BCAS3: variants seen among roughly 807,000 people sequenced by gnomAD.
BCAS3 encodes the protein BCAS4/BCAS3 fusion.
Under a neutral mutation model 116.1 loss-of-function variants are expected in BCAS3, and 53 were observed. That is an observed-to-expected ratio of 0.46 (90% CI 0.37 to 0.57). The LOEUF is 0.57. BCAS3 is among the 20% of genes least tolerant of loss of function. BCAS3 has a pLI of 0.00. For missense variants in BCAS3, 917 were observed against 1,165.4 expected, an observed-to-expected ratio of 0.79 and a Z score of 3.10; for synonymous variants, 391 against 408.2, an observed-to-expected ratio of 0.96 and a Z score of 0.51.
intron 14 of BCAS3, among the ~76,000 whole-genome samples, chr17:60,984,473 C>T (rs577274625): frequency 2.0e-5 from 3 of 151,886 alleles, no homozygotes; most frequent in South Asian, 2.1e-4. Context: ...TGTATATATA[C>T]AGCTTTTTTT....
intron 7 of BCAS3, among the ~76,000 whole-genome samples, chr17:60,858,842 A>G (rs1284556056): frequency 6.6e-6 from 1 of 151,664 alleles, no homozygotes; most frequent in Non-Finnish European, 1.5e-5. Flanking sequence ...ATAATTAAAT[A>G]TGTTGAACAT....
intron 22 of BCAS3, among the ~76,000 whole-genome samples, chr17:61,230,726 A>G (rs563011764): frequency 6.6e-6 from 1 of 152,164 alleles, no homozygotes; most frequent in East Asian, 1.9e-4. Context: ...TGTCTTTACT[A>G]TTGTGAATAG....
intron 12 of BCAS3, among the ~76,000 whole-genome samples, chr17:60,913,258 ATT>A (rs1474474373): frequency 6.6e-6 from 1 of 152,122 alleles, no homozygotes; most frequent in African/African-American, 2.4e-5. Flanking sequence ...AACATGGAAC[ATT>A]CTACCTTTTC....
At chr17:60,812,326 G>A (rs1248745451) in intron 7 of BCAS3, among the ~76,000 whole-genome samples, 1 of 152,102 alleles carries the variant, frequency 6.6e-6, no homozygotes, top group African/African-American at 2.4e-5. Context: ...ATAGGAGTTT[G>A]CAAAAAAATG....
At chr17:61,054,157 A>G (rs2069141718) in intron 19 of BCAS3, among the ~76,000 whole-genome samples, 1 of 152,214 alleles carries the variant, frequency 6.6e-6, no homozygotes, top group Non-Finnish European at 1.5e-5. Context: ...CTCTTCGCAT[A>G]GATCTTCAGA....
At chr17:60,923,767 G>T (rs2059223375) in intron 12 of BCAS3, among the ~76,000 whole-genome samples, 1 of 151,930 alleles carries the variant, frequency 6.6e-6, no homozygotes, top group Non-Finnish European at 1.5e-5. Context: ...AAATTAAGAG[G>T]AGTGAATAAA....
intron 19 of BCAS3, among the ~76,000 whole-genome samples, chr17:61,044,446 C>CAAAAAA (rs1223902392): frequency 4.8e-5 from 4 of 82,814 alleles, no homozygotes; most frequent in East Asian, 4.0e-4. Flanking sequence ...GACTCTGTCT[C>CAAAAAA]AAAAAAAAAA....
chr17:61,214,056 G>A lies in BCAS3; in HGVS notation c.2425+129492G>A, dbSNP rs1601945840. On this transcript the variant is annotated intron_variant, in intron 22 of 23. Transcript: ENST00000407086. The surrounding 1 kb of genome is among the most constrained non-coding windows in gnomAD (Gnocchi z 4.4). ...CCTCACAGGACTCCTAGCATGGCTG[G>A]TTTCAAAACTCGTTTGAGCTATAGG... 6.6e-6 allele frequency among the ~76,000 whole-genome samples: 1 copy of A among 152,164 alleles called. No individual in the cohort carries two copies. Among genetic ancestry groups the A allele is most frequent in the Middle Eastern group, 3.4e-3 (1 of 294 alleles).
intron 6 of BCAS3, among the ~76,000 whole-genome samples, chr17:60,784,582 C>T (rs565217031): frequency 2.9e-4 from 43 of 148,412 alleles, no homozygotes; most frequent in African/African-American, 1.0e-3. Flanking sequence ...GGATTACAGG[C>T]GTGAGCCACT....
At position 60,905,256 on chromosome 17, in the gene BCAS3, G is replaced by A. The variant is rs1032370206; in HGVS notation, c.822+2553G>A. Among the ~76,000 whole-genome samples, 8 of 152,002 alleles carry A rather than the reference G, an allele frequency of 5.3e-5. No individual in the cohort carries two copies. In the East Asian group the frequency reaches 7.7e-4, roughly 15 times the overall value. On this transcript the variant is annotated intron_variant, in intron 11 of 23. Transcript: ENST00000407086. ...GACACAATTCTTCAGTATATAGGAC[G>A]CTATATATTGTGTCACAATCCATTT...
chr17:61,156,169 A>G lies in BCAS3; in HGVS notation c.2425+71605A>G, dbSNP rs1319562747. Among the ~76,000 whole-genome samples, 4 of 142,930 alleles carry G rather than the reference A, an allele frequency of 2.8e-5. No homozygotes were observed. The highest frequency in any genetic ancestry group is 1.4e-4 in the Admixed American group (2 of 14,596). The allele number at this position is 142,930 out of a possible 152,430, so 93.8% of individuals were successfully genotyped here. On this transcript the variant is annotated intron_variant, in intron 22 of 23. Transcript: ENST00000407086. This position sits in a 1 kb window ranked among gnomAD's most constrained non-coding sequence, Gnocchi z 4.7. ...CAGAGAAAGACAGTCAGCCAGACAC[A>G]TTAAAAAAAAAAAAAAGAAAAGTAA...
chr17:60,976,442 T>TA (rs373741883), intron 14 of BCAS3, among the ~76,000 whole-genome samples: 26,603 of 138,812 alleles, frequency 0.19, 2,428 homozygotes, highest in African/African-American at 0.28. Flanking sequence ...TATATATATA[T>TA]TTTTTTTTTA....
At position 60,990,490 on chromosome 17, in the gene BCAS3, C is replaced by T. The variant is rs896982776; in HGVS notation, c.1486+255C>T. ...GGTATCATATTTATGGAATATAAAACTTGGAACTATTTTTATAACTTCAGA... is the reference window on the plus strand; with the variant it reads ...GGTATCATATTTATGGAATATAAAATTTGGAACTATTTTTATAACTTCAGA... On this transcript the variant is annotated intron_variant, in intron 15 of 23. Transcript: ENST00000407086. This position sits in a 1 kb window ranked among gnomAD's most constrained non-coding sequence, Gnocchi z 5.1. Among the ~76,000 whole-genome samples the T allele has an allele frequency of 6.6e-6, 1 of 152,096 alleles. No homozygotes were observed.
chr17:61,229,887 G>A lies in BCAS3; in HGVS notation c.2426-138440G>A, dbSNP rs921350216. 3.7e-4 allele frequency among the ~76,000 whole-genome samples: 57 copies of A among 152,344 alleles called. No individual in the cohort carries two copies. The highest frequency in any genetic ancestry group is 7.8e-4 in the Non-Finnish European group (53 of 68,034). ...CGCCTGTAATCCCAGCACTTTGGGAGGCCAAGGCGGGCGGTTCACCTGAGG... is the reference window on the plus strand; with the variant it reads ...CGCCTGTAATCCCAGCACTTTGGGAAGCCAAGGCGGGCGGTTCACCTGAGG... On this transcript the variant is annotated intron_variant, in intron 22 of 23. Coordinates refer to ENST00000407086, the MANE Select transcript of BCAS3 (RefSeq NM_017679.5). This position sits in a 1 kb window ranked among gnomAD's most constrained non-coding sequence, Gnocchi z 4.4.
rs113446213 is a variant in BCAS3, at chr17:61,144,219, T to G, written c.2425+59655T>G. ...AATTTTGGAGCATGGATTTTTTTTTTAAGGAGGGTTATAGTATCCTGAAGA... is the reference window on the plus strand; with the variant it reads ...AATTTTGGAGCATGGATTTTTTTTTGAAGGAGGGTTATAGTATCCTGAAGA... On this transcript the variant is annotated intron_variant, in intron 22 of 23. Coordinates refer to ENST00000407086, the MANE Select transcript of BCAS3 (RefSeq NM_017679.5). The surrounding 1 kb of genome is among the most constrained non-coding windows in gnomAD (Gnocchi z 5.0). Among the ~76,000 whole-genome samples, 351 of 152,188 alleles carry G rather than the reference T, an allele frequency of 2.3e-3. 1 individual carries two copies. Among genetic ancestry groups the G allele is most frequent in the African/African-American group, 8.1e-3 (338 of 41,522 alleles).
At chr17:61,252,125 C>A (rs1421930960) in intron 22 of BCAS3, among the ~76,000 whole-genome samples, 1 of 152,166 alleles carries the variant, frequency 6.6e-6, no homozygotes, top group Non-Finnish European at 1.5e-5. Flanking sequence ...AAAACATTTT[C>A]TTTTCATCTG....
At chr17:60,977,609 G>A (rs1247613283) in intron 14 of BCAS3, among the ~76,000 whole-genome samples, 33 of 151,226 alleles carry the variant, frequency 2.2e-4, no homozygotes, top group African/African-American at 7.8e-4. Flanking sequence ...CCACTAACTC[G>A]TCATCTAGCA....
chr17:61,044,858 G>T (rs997601341), intron 19 of BCAS3, among the ~76,000 whole-genome samples: 1 of 149,768 alleles, frequency 6.7e-6, no homozygotes, highest in Non-Finnish European at 1.5e-5. Flanking sequence ...CACAACCTCT[G>T]CTCCCTGGGT....
At chr17:61,370,137 C>G (rs1437137291) in intron 23 of BCAS3, among the ~76,000 whole-genome samples, 1 of 152,090 alleles carries the variant, frequency 6.6e-6, no homozygotes, top group African/African-American at 2.4e-5. Context: ...ATCTGCCAGA[C>G]AGCTGAGGGA....
Sources: allele counts gnomAD v4.1 joint callset (sites outside exome capture counted in the v4.1 genomes callset), GRCh38; gene constraint gnomAD v4.1.1; non-coding constraint Gnocchi (gnomAD v3.1); transcripts MANE v1.5; gene names NCBI Gene and HGNC (gene_info 2026-07-23, HGNC 2026-07-21).